Variants in SENP7 observed in about 807,000 individuals in gnomAD.
SENP7 encodes sentrin-specific protease 7.
Under a neutral mutation model 141.2 loss-of-function variants are expected in SENP7, and 64 were observed. The ratio of observed to expected loss-of-function variants is 0.45; its 90% CI spans 0.37 to 0.56. The LOEUF is 0.56. SENP7 is among the 20% of genes least tolerant of loss of function. The probability of loss-of-function intolerance (pLI) is 0.00; values close to 1 mark genes in which losing one functional copy is unlikely to be tolerated. For synonymous variants in SENP7, 382 were observed against 426.4 expected, an observed-to-expected ratio of 0.90 and a Z score of 1.28; for missense variants, 1,025 against 1,212.2, an observed-to-expected ratio of 0.85 and a Z score of 2.29.
At chr3:101,404,464 A>G (rs1031311064) in intron 5 of SENP7, among the ~76,000 whole-genome samples, 1 of 152,156 alleles carries the variant, frequency 6.6e-6, no homozygotes, top group African/African-American at 2.4e-5. Context: ...AGTATAAAAA[A>G]CCTAGAAGAA....
At chr3:101,376,275 G>A (rs1009906015) in intron 6 of SENP7, among the ~76,000 whole-genome samples, 1 of 152,116 alleles carries the variant, frequency 6.6e-6, no homozygotes, top group South Asian at 2.1e-4. Flanking sequence ...GGAAAAGAAT[G>A]GTGGTGATGG....
At chr3:101,346,802 T>G (rs561847911) in intron 13 of SENP7, among the ~76,000 whole-genome samples, 1 of 152,190 alleles carries the variant, frequency 6.6e-6, no homozygotes, top group South Asian at 2.1e-4. Context: ...TAAATTGGGT[T>G]CAGTGTATAC....
chr3:101,391,771 C>T (rs190219325), intron 6 of SENP7, among the ~76,000 whole-genome samples: 1 of 152,056 alleles, frequency 6.6e-6, no homozygotes, highest in East Asian at 1.9e-4. Context: ...CAAAACTATA[C>T]AAGGACATGA....
chr3:101,454,603 A>G (rs1453487721), intron 4 of SENP7, among the ~76,000 whole-genome samples: 4 of 152,262 alleles, frequency 2.6e-5, no homozygotes, highest in East Asian at 1.9e-4. Flanking sequence ...TATTATTCAT[A>G]ATAGCTAAGA....
chr3:101,328,099 T>G (rs1172832002), intron 22 of SENP7, among the ~76,000 whole-genome samples: 1 of 152,168 alleles, frequency 6.6e-6, no homozygotes, highest in East Asian at 1.9e-4. Flanking sequence ...GTTTCATCAT[T>G]AGTTTTTTCC....
chr3:101,336,846 T>G (rs1259003678), intron 17 of SENP7, among the ~76,000 whole-genome samples: 1 of 152,176 alleles, frequency 6.6e-6, no homozygotes, highest in African/African-American at 2.4e-5. Flanking sequence ...AAAAAAATAC[T>G]TGGGCAAAAA....
intron 2 of SENP7, among the ~76,000 whole-genome samples, chr3:101,497,954 C>T (rs1469008471): frequency 2.0e-5 from 3 of 152,170 alleles, no homozygotes; most frequent in Admixed American, 6.5e-5. Flanking sequence ...AGGCATATGC[C>T]AACATGCCCA....
In SENP7 at chr3:101,367,919, G is replaced by A. The variant is rs776171679; in HGVS notation, c.889C>T (p.Leu297=). The change falls in exon 8 of 24, where the codon CTG becomes TTG. Residue 297 remains leucine (L), a synonymous_variant. Coordinates refer to ENST00000394095, the MANE Select transcript of SENP7 (RefSeq NM_020654.5). ...CTTCTCTTTGTCTTCCTGGAAATCA[G>A]AGTGAGTTCCACTTTTGAATCAGAA... The part of the protein sequence containing the change: ...KYSDSKVELT[L]ISRKTKRRLR... 2 of 1,608,516 alleles carry A rather than the reference G, an allele frequency of 1.2e-6. No individual in the cohort carries two copies. Among genetic ancestry groups the A allele is most frequent in the South Asian group, 2.2e-5 (2 of 90,922 alleles).
chr3:101,422,348 T>G (rs2061816188), intron 4 of SENP7, among the ~76,000 whole-genome samples: 1 of 152,204 alleles, frequency 6.6e-6, no homozygotes, highest in African/African-American at 2.4e-5. Flanking sequence ...GGTTATCATT[T>G]GCAGGGGTTG....
At chr3:101,491,004 A>C (rs1223555135) in intron 3 of SENP7, among the ~76,000 whole-genome samples, 1 of 152,226 alleles carries the variant, frequency 6.6e-6, no homozygotes. Context: ...ATATCAAAAA[A>C]CAGTATAAAC....
At position 101,325,877 on chromosome 3, in the gene SENP7, A is replaced by C; in HGVS notation, c.*66T>G. The C allele has an allele frequency of 1.4e-6, 2 of 1,460,358 alleles. No homozygotes were observed. Among genetic ancestry groups the C allele is most frequent in the Non-Finnish European group, 1.8e-6 (2 of 1,092,368 alleles). 90.5% of individuals were successfully genotyped at this position (1,460,358 alleles called of 1,614,324 possible). A position where few individuals can be genotyped will look rare whatever the true frequency, so the allele number is the denominator to read the frequency against. ...TTTTCTTCTCTGTGAGCTGGCTAAC[A>C]CAAATGCTGGTAAGAGGCTTTCCAG... On this transcript the variant is annotated 3_prime_UTR_variant, in exon 24 of 24. Coordinates refer to ENST00000394095, the MANE Select transcript of SENP7 (RefSeq NM_020654.5).
At chr3:101,494,675 G>A (rs1264603791) in intron 2 of SENP7, among the ~76,000 whole-genome samples, 3 of 152,070 alleles carry the variant, frequency 2.0e-5, no homozygotes, top group African/African-American at 7.2e-5. Context: ...CGACAAACCT[G>A]ACAAAAACAA....
chr3:101,499,986 A>G (rs2065313250), intron 2 of SENP7, among the ~76,000 whole-genome samples: 1 of 152,146 alleles, frequency 6.6e-6, no homozygotes, highest in African/African-American at 2.4e-5. Flanking sequence ...TTAAATGGAG[A>G]AACCACACCA....
At chr3:101,424,257 G>A (rs1435153358) in intron 4 of SENP7, among the ~76,000 whole-genome samples, 4 of 152,102 alleles carry the variant, frequency 2.6e-5, no homozygotes, top group Non-Finnish European at 5.9e-5. Flanking sequence ...CCAAAACCAT[G>A]CACAAGCCTG....
chr3:101,414,297 G>C, intron 5 of SENP7: 1 of 645,400 alleles, frequency 1.5e-6, no homozygotes, highest in Non-Finnish European at 2.8e-6. Context: ...ACATCCGGAA[G>C]ATGCAGGGTC....
At chr3:101,350,176 T>C (rs1361051795) in intron 12 of SENP7, among the ~76,000 whole-genome samples, 1 of 152,114 alleles carries the variant, frequency 6.6e-6, no homozygotes, top group Non-Finnish European at 1.5e-5. Flanking sequence ...AATGACAGAA[T>C]AGAAAAATGC....
intron 6 of SENP7, among the ~76,000 whole-genome samples, chr3:101,387,526 A>G (rs1330159418): frequency 6.6e-6 from 1 of 152,076 alleles, no homozygotes; most frequent in Non-Finnish European, 1.5e-5. Context: ...ACCCACACAC[A>G]TCATTCAGGG....
intron 11 of SENP7, chr3:101,357,695 T>C: frequency 1.4e-6 from 1 of 712,088 alleles, no homozygotes; most frequent in Non-Finnish European, 2.6e-6. Context: ...ATGTGATAAA[T>C]ATGTGAAAGT....
chr3:101,384,593 C>T (rs576403361), intron 6 of SENP7, among the ~76,000 whole-genome samples: 2 of 152,338 alleles, frequency 1.3e-5, no homozygotes, highest in East Asian at 3.9e-4. Flanking sequence ...GCCCGTCCCA[C>T]CACAGCCGAC....
Sources: allele counts gnomAD v4.1 joint callset (sites outside exome capture counted in the v4.1 genomes callset), GRCh38; gene constraint gnomAD v4.1.1; transcripts MANE v1.5; gene names NCBI Gene and HGNC (gene_info 2026-07-23, HGNC 2026-07-21).